Variants in PTPRD observed in about 807,000 individuals in gnomAD.
PTPRD encodes protein tyrosine phosphatase receptor type D.
PTPRD carries 34 observed loss-of-function variants against 214.5 expected under a neutral mutation model. That is an observed-to-expected ratio of 0.16 (90% confidence interval 0.12 to 0.21). PTPRD has a LOEUF of 0.21. Among genes scored for constraint, PTPRD ranks in the 10% least tolerant of loss-of-function variants. The pLI is 1.00. For missense variants in PTPRD, 2,545 were observed against 2,398.7 expected (o/e 1.06, Z -1.27); for synonymous variants, 1,128 against 845.7 (o/e 1.33, Z -5.79).
chr9:9,098,675 G>A (rs923789350), intron 10 of PTPRD, among the ~76,000 whole-genome samples: 8 of 152,180 alleles, frequency 5.3e-5, no homozygotes, highest in African/African-American at 1.9e-4. Flanking sequence ...TGTACCCATC[G>A]ACTTACATAA....
At chr9:9,941,842 A>C (rs1366634169) in intron 4 of PTPRD, among the ~76,000 whole-genome samples, 2 of 152,190 alleles carry the variant, frequency 1.3e-5, no homozygotes, top group Admixed American at 6.5e-5. Context: ...CAAGGTTGCC[A>C]AAAGCACTAC....
At chr9:9,127,809 A>G (rs2099836404) in intron 10 of PTPRD, among the ~76,000 whole-genome samples, 1 of 152,264 alleles carries the variant, frequency 6.6e-6, no homozygotes, top group South Asian at 2.1e-4. Context: ...AATATGAAGG[A>G]AAAAAAGAGG....
intron 9 of PTPRD, among the ~76,000 whole-genome samples, chr9:9,258,719 G>T (rs1022880121): frequency 1.3e-5 from 2 of 151,772 alleles, no homozygotes; most frequent in Non-Finnish European, 2.9e-5. Context: ...TTAGTAGAGG[G>T]TTTACATTAT....
chr9:9,323,044 G>C (rs1223438898), intron 9 of PTPRD, among the ~76,000 whole-genome samples: 1 of 151,994 alleles, frequency 6.6e-6, no homozygotes, highest in African/African-American at 2.4e-5. Flanking sequence ...TTAAGTTACT[G>C]TTTACAATTT....
At chr9:9,789,790 CTGTCTCAAAAAAAAAAA>C (rs1481159705) in intron 5 of PTPRD, among the ~76,000 whole-genome samples, 5 of 71,768 alleles carry the variant, frequency 7.0e-5, no homozygotes, top group Admixed American at 1.6e-4. Context: ...GAGCCAAACT[CTGTCTCAAAAAAAAAAA>C]AAAAAAAAAA....
intron 9 of PTPRD, among the ~76,000 whole-genome samples, chr9:9,331,589 G>C (rs887834747): frequency 3.3e-5 from 5 of 152,004 alleles, no homozygotes; most frequent in Non-Finnish European, 7.4e-5. Flanking sequence ...ACCTATAAAA[G>C]GGGTATGTTT....
chr9:9,389,731 T>C (rs140959194), intron 9 of PTPRD, among the ~76,000 whole-genome samples: 1 of 152,180 alleles, frequency 6.6e-6, no homozygotes, highest in South Asian at 2.1e-4. Context: ...AATCCTTGAA[T>C]AGAGTCCTAG....
intron 6 of PTPRD, among the ~76,000 whole-genome samples, chr9:9,742,476 A>AT (rs2098414228): frequency 6.6e-6 from 1 of 152,064 alleles, no homozygotes; most frequent in Non-Finnish European, 1.5e-5. Flanking sequence ...TGAATGTATG[A>AT]TTTTCTTTTT....
At chr9:10,040,028 G>C (rs994447793) in intron 3 of PTPRD, among the ~76,000 whole-genome samples, 3 of 152,024 alleles carry the variant, frequency 2.0e-5, no homozygotes, top group Non-Finnish European at 4.4e-5. Flanking sequence ...CATGCACGTT[G>C]TTTTCAGCAA....
chr9:9,060,505 T>C, intron 10 of PTPRD, among the ~76,000 whole-genome samples: 1 of 152,226 alleles, frequency 6.6e-6, no homozygotes, highest in South Asian at 2.1e-4. Flanking sequence ...TTTAAAATGA[T>C]ACTAATTATG....
intron 14 of PTPRD, among the ~76,000 whole-genome samples, chr9:8,544,399 G>T (rs1333029787): frequency 1.3e-5 from 2 of 149,600 alleles, no homozygotes; most frequent in Non-Finnish European, 3.0e-5. Flanking sequence ...CTTTTCAATG[G>T]TAAAACAGCA....
intron 11 of PTPRD, among the ~76,000 whole-genome samples, chr9:8,762,978 T>C (rs892761197): frequency 3.3e-5 from 5 of 152,164 alleles, no homozygotes; most frequent in Non-Finnish European, 7.3e-5. Context: ...CAGGCCATTC[T>C]TCAGGCTATC....
At chr9:9,654,891 G>T (rs1413528817) in intron 7 of PTPRD, among the ~76,000 whole-genome samples, 1 of 152,018 alleles carries the variant, frequency 6.6e-6, no homozygotes, top group African/African-American at 2.4e-5. Context: ...AATGATATAT[G>T]AAATCCTTCA....
At chr9:9,462,070 CTT>C (rs1276578287) in intron 8 of PTPRD, among the ~76,000 whole-genome samples, 1 of 151,968 alleles carries the variant, frequency 6.6e-6, no homozygotes, top group Non-Finnish European at 1.5e-5. Context: ...ATATCTATGT[CTT>C]GTTTGTTATT....
intron 3 of PTPRD, among the ~76,000 whole-genome samples, chr9:10,148,653 T>G (rs1054315193): frequency 1.3e-5 from 2 of 152,198 alleles, no homozygotes; most frequent in African/African-American, 2.4e-5. Context: ...AATATTATGT[T>G]GCAAAACATA....
At chr9:9,503,327 A>T (rs985249097) in intron 8 of PTPRD, among the ~76,000 whole-genome samples, 2 of 151,448 alleles carry the variant, frequency 1.3e-5, no homozygotes, top group Non-Finnish European at 3.0e-5. Flanking sequence ...CTTGAATCAC[A>T]GCACATCATT....
chr9:9,477,366 C>T (rs10977811), intron 8 of PTPRD, among the ~76,000 whole-genome samples: 105,263 of 151,950 alleles, frequency 0.69, 36,533 homozygotes, highest in South Asian at 0.73. Context: ...AGTGGGATTC[C>T]TTTTCTTACA....
intron 5 of PTPRD, among the ~76,000 whole-genome samples, chr9:9,912,237 C>G (rs1601858229): frequency 6.6e-6 from 1 of 151,996 alleles, no homozygotes. Flanking sequence ...AGCAGGTCAG[C>G]CCCTCTGGAA....
At position 9,174,758 on chromosome 9, in the gene PTPRD, G is replaced by A. The variant is rs189597269; in HGVS notation, c.-143+8546C>T. On this transcript the variant is annotated intron_variant, in intron 10 of 45. Transcript: ENST00000381196. ...GAAAAATTTAGGATCAGATTTAGAA[G>A]TAATTTTAAAAATTGTTATTATTTT... Among the ~76,000 whole-genome samples, 53 of 152,228 alleles carry A rather than the reference G, an allele frequency of 3.5e-4. No individual in the cohort carries two copies. The East Asian group carries it at 7.5e-3, about 22-fold the overall frequency.
Sources: allele counts gnomAD v4.1 joint callset (sites outside exome capture counted in the v4.1 genomes callset), GRCh38; gene constraint gnomAD v4.1.1; transcripts MANE v1.5; gene names NCBI Gene and HGNC (gene_info 2026-07-23, HGNC 2026-07-21).